Variants in AAR2 observed in about 807,000 individuals in gnomAD.
AAR2 encodes the protein protein AAR2 homolog.
AAR2 carries 31 observed loss-of-function variants against 26.9 expected under a neutral mutation model. The observed-to-expected ratio is 1.15, with a 90% confidence interval of 0.86 to 1.55. The LOEUF (loss-of-function observed/expected upper bound fraction) is 1.55, where lower values mean the gene tolerates loss of function less well. AAR2 is among the 40% of genes most tolerant of loss of function. AAR2 has a pLI of 0.00. For missense variants in AAR2, 430 were observed against 491.3 expected (o/e 0.88, Z 1.18); for synonymous variants, 188 against 196.1 (o/e 0.96, Z 0.34).
intron 2 of AAR2, among the ~76,000 whole-genome samples, chr20:36,241,829 A>G (rs1036547462): frequency 2.0e-5 from 3 of 152,086 alleles, no homozygotes; most frequent in South Asian, 2.1e-4. Flanking sequence ...GTACTTACAC[A>G]TACATTTAGG....
At chr20:36,238,362 AAG>A (rs2147283879) in intron 1 of AAR2, among the ~76,000 whole-genome samples, 1 of 152,318 alleles carries the variant, frequency 6.6e-6, no homozygotes, top group East Asian at 1.9e-4. Context: ...GATTCAGGGT[AAG>A]AGTCATTTGT....
chr20:36,253,859 A>G (rs1427989095), intron 3 of AAR2, among the ~76,000 whole-genome samples: 2 of 152,258 alleles, frequency 1.3e-5, no homozygotes, highest in Non-Finnish European at 2.9e-5. Flanking sequence ...TCCACTGATC[A>G]TTAGGGAAAT....
At chr20:36,245,241 T>G (rs988738382) in intron 3 of AAR2, among the ~76,000 whole-genome samples, 1 of 152,178 alleles carries the variant, frequency 6.6e-6, no homozygotes, top group Non-Finnish European at 1.5e-5. Context: ...TAGCCATGAA[T>G]TGCTACAACC....
chr20:36,252,405 C>T (rs1001472021), intron 3 of AAR2, among the ~76,000 whole-genome samples: 3 of 152,154 alleles, frequency 2.0e-5, no homozygotes, highest in African/African-American at 7.2e-5. Flanking sequence ...GAGGTTGCTC[C>T]GTGTCTGGTG....
chr20:36,252,864 A>G (rs2064790807), intron 3 of AAR2, among the ~76,000 whole-genome samples: 1 of 152,116 alleles, frequency 6.6e-6, no homozygotes, highest in African/African-American at 2.4e-5. Context: ...TGTCCATACC[A>G]GGCCCCTCCC....
At chr20:36,244,631 A>G in intron 2 of AAR2, 66 bp from the exon 3 acceptor site, 1 of 1,455,012 alleles carries the variant, frequency 6.9e-7, no homozygotes, top group Non-Finnish European at 9.6e-7. Flanking sequence ...CCTTGTGAAT[A>G]GTGATGGAGA....
Position 36,240,400 on chromosome 20 carries a change from C to T in AAR2, c.532C>T (p.Leu178=), listed in dbSNP as rs1335210359. Reference sequence around the variant, plus strand: ...CACCAAGGACCGCGTGGGGCAGAATCTACCCCGCTGTGGCATTGAGTGCAA... The same window carrying T: ...CACCAAGGACCGCGTGGGGCAGAATTTACCCCGCTGTGGCATTGAGTGCAA... The part of the protein sequence containing the change: ...KHTKDRVGQN[L]PRCGIECKSY... Residue 178 remains leucine, a synonymous_variant, in exon 2 of 4, where the codon CTA becomes TTA. Transcript: ENST00000320849. 3.1e-6 allele frequency: 5 copies of T among 1,614,156 alleles called. No homozygotes were observed. The highest frequency in any genetic ancestry group is 4.2e-6 in the Non-Finnish European group (5 of 1,180,062).
In AAR2 at chr20:36,240,421, T is replaced by C. The variant is rs761105630; in HGVS notation, c.553T>C (p.Cys185Arg). The C allele has an allele frequency of 2.5e-6, 4 of 1,614,140 alleles. No homozygotes were observed. In the Admixed American group the frequency reaches 6.7e-5, roughly 27 times the overall value. The change falls in exon 2 of 4, where the codon TGC becomes CGC. Residue 185 changes from cysteine (C) to arginine (R), a missense_variant. Cys to Arg is a radical substitution (Grantham distance 180). Coordinates refer to ENST00000320849, the MANE Select transcript of AAR2 (RefSeq NM_001271874.2). ...GQNLPRCGIE[C>R]KSYQEGLARL... ...GAATCTACCCCGCTGTGGCATTGAG[T>C]GCAAAAGCTACCAAGAGGGCCTGGC...
rs752705324 is a variant in AAR2, at chr20:36,256,854, G to T, written c.*1109G>T. 1 of 152,688 alleles carries T rather than the reference G, an allele frequency of 6.5e-6. No homozygotes were observed. Among genetic ancestry groups the T allele is most frequent in the Non-Finnish European group, 1.5e-5 (1 of 68,060 alleles). 9.5% of individuals were successfully genotyped at this position (152,688 alleles called of 1,614,324 possible). On this transcript the variant is annotated 3_prime_UTR_variant, in exon 4 of 4. Transcript: ENST00000320849. ...TTTTGAATGAGAATCCCTGCTGGTT[G>T]AGACTTTTGCTTCCACTTGTTTCCT...
chr20:36,251,511 G>A (rs1020854706), intron 3 of AAR2, among the ~76,000 whole-genome samples: 1 of 152,092 alleles, frequency 6.6e-6, no homozygotes, highest in Admixed American at 6.5e-5. Flanking sequence ...TTCCCTACAA[G>A]GCAGTGCTAA....
At chr20:36,238,739 G>A (rs2064644690) in intron 1 of AAR2, among the ~76,000 whole-genome samples, 1 of 147,418 alleles carries the variant, frequency 6.8e-6, no homozygotes, top group African/African-American at 2.5e-5. Flanking sequence ...TGGGGTGACA[G>A]AGCGAGACCC....
intron 2 of AAR2, among the ~76,000 whole-genome samples, chr20:36,241,827 A>G (rs1204590155): frequency 6.6e-6 from 1 of 152,056 alleles, no homozygotes; most frequent in Admixed American, 6.6e-5. Flanking sequence ...GTGTACTTAC[A>G]CATACATTTA....
chr20:36,252,249 T>C (rs1335726417), intron 3 of AAR2, among the ~76,000 whole-genome samples: 1 of 152,318 alleles, frequency 6.6e-6, no homozygotes, highest in East Asian at 1.9e-4. Flanking sequence ...GAACAGCTAT[T>C]TGGTGCTAGG....
rs116476984 is a variant in AAR2, at chr20:36,243,134, C to T, written c.758-1563C>T. On this transcript the variant is annotated intron_variant, in intron 2 of 3. Coordinates refer to ENST00000320849, the MANE Select transcript of AAR2 (RefSeq NM_001271874.2). ...TCTCAAAGGGCTAGGACTATCCCTG[C>T]CACCGCACCTGTCCAGGGATAATTT... Among the ~76,000 whole-genome samples the T allele has an allele frequency of 6.7e-3, 1,019 of 152,280 alleles. 8 individuals are homozygous for T. Among genetic ancestry groups the T allele is most frequent in the African/African-American group, 0.023 (965 of 41,540 alleles).
intron 1 of AAR2, among the ~76,000 whole-genome samples, chr20:36,238,688 G>A (rs1169777196): frequency 2.0e-5 from 3 of 151,362 alleles, no homozygotes; most frequent in East Asian, 1.9e-4. Flanking sequence ...CCCGGGAGGT[G>A]GACGATGTAG....
At position 36,240,112 on chromosome 20, in the gene AAR2, C is replaced by T. The variant is rs1486678310; in HGVS notation, c.244C>T (p.His82Tyr). The T allele has an allele frequency of 6.2e-7, 1 of 1,614,116 alleles. No individual in the cohort carries two copies. Among genetic ancestry groups the T allele is most frequent in the Non-Finnish European group, 8.5e-7 (1 of 1,180,056 alleles). The change falls in exon 2 of 4, where the codon CAC (histidine) becomes TAC (tyrosine). Residue 82 changes from histidine to tyrosine, a missense_variant. His to Tyr is a moderately conservative substitution (Grantham distance 83). Coordinates refer to ENST00000320849, the MANE Select transcript of AAR2 (RefSeq NM_001271874.2). The stretch of plus-strand genomic sequence containing the variant: ...TCGTATGGGTTTCTTCCTTAGCCTG[C>T]ACCAGCGGGGGCTGACAGTGCTGCG... ...GPRMGFFLSL[H>Y]QRGLTVLRWS...
intron 3 of AAR2, among the ~76,000 whole-genome samples, chr20:36,247,908 A>G (rs1011523564): frequency 1.3e-5 from 2 of 151,828 alleles, no homozygotes; most frequent in Non-Finnish European, 2.9e-5. Flanking sequence ...GTAAAAAAAA[A>G]CACAATTTAA....
chr20:36,240,022 C>T lies in AAR2; in HGVS notation c.154C>T (p.Pro52Ser). The change falls in exon 2 of 4, where the codon CCT (proline) becomes TCT (serine). Residue 52 changes from proline to serine, a missense_variant. Physicochemically the swap from Pro to Ser is moderately conservative, Grantham distance 74. Coordinates refer to ENST00000320849, the MANE Select transcript of AAR2 (RefSeq NM_001271874.2). ...CAAGTTCCGGGGCGTGAAGATGATC[C>T]CTCCAGGCATCCACTTCCTCCACTA... Reference protein sequence around the residue: ...GPKFRGVKMIPPGIHFLHYSS... With the variant: ...GPKFRGVKMISPGIHFLHYSS... 1 of 1,614,172 alleles carries T rather than the reference C, an allele frequency of 6.2e-7. No homozygotes were observed. The highest frequency in any genetic ancestry group is 8.5e-7 in the Non-Finnish European group (1 of 1,180,026).
At chr20:36,237,008 GC>G (rs929005051) in intron 1 of AAR2, among the ~76,000 whole-genome samples, 12 of 152,190 alleles carry the variant, frequency 7.9e-5, no homozygotes, top group Non-Finnish European at 1.6e-4. Context: ...ACCTGACCTA[GC>G]CCCAGGGCAA....
Sources: gnomAD v4.1 joint callset for allele counts (sites outside exome capture counted in the v4.1 genomes callset) on GRCh38, gnomAD v4.1.1 for gene constraint, MANE v1.5 for transcripts, NCBI Gene and HGNC (gene_info 2026-07-23, HGNC 2026-07-21) for gene names.